URB1: variants seen among roughly 807,000 people sequenced by gnomAD.
URB1 encodes nucleolar pre-ribosomal-associated protein 1.
Under a neutral mutation model 242.3 loss-of-function variants are expected in URB1, and 197 were observed. The ratio of observed to expected loss-of-function variants is 0.81; its 90% CI spans 0.72 to 0.91. URB1 has a LOEUF of 0.91. URB1 is among the 40% of genes least tolerant of loss of function. The probability of loss-of-function intolerance (pLI) is 0.00; values close to 1 mark genes in which losing one functional copy is unlikely to be tolerated. For missense variants in URB1, 2,721 were observed against 2,860.5 expected (o/e 0.95, Z 1.11); for synonymous variants, 1,153 against 1,201.8 (o/e 0.96, Z 0.84).
intron 30 of URB1, among the ~76,000 whole-genome samples, chr21:32,332,402 C>T (rs932648577): frequency 4.7e-5 from 7 of 148,546 alleles, no homozygotes; most frequent in Non-Finnish European, 7.4e-5. Flanking sequence ...TATTTGCAAA[C>T]CACAAATCCT....
At chr21:32,372,189 A>G (rs772143841) in intron 8 of URB1, among the ~76,000 whole-genome samples, 51 of 152,182 alleles carry the variant, frequency 3.4e-4, no homozygotes, top group Admixed American at 4.6e-4. Context: ...GTCAGGGCCA[A>G]CCCTCTCTGG....
In URB1 at chr21:32,333,327, C is replaced by T; in HGVS notation, c.4950G>A (p.Leu1650=). The change falls in exon 30 of 39, where the codon CTG becomes CTA. Residue 1650 remains leucine, a synonymous_variant. Coordinates refer to ENST00000382751, the MANE Select transcript of URB1 (RefSeq NM_014825.3). ...GAAGACTGCAGTTACCTGGCCTGGT[C>T]AGCTCACTGAAGAGCTGAAGGAGAA... ...PCFLLQLFSE[L]TRPEFVVDCR... is the part of the protein sequence containing the mutation. 1 of 1,551,888 alleles carries T rather than the reference C, an allele frequency of 6.4e-7. No individual in the cohort carries two copies. Among genetic ancestry groups the T allele is most frequent in the Middle Eastern group, 1.7e-4 (1 of 5,998 alleles).
chr21:32,324,485 T>C lies in URB1; in HGVS notation c.5233+6A>G, dbSNP rs1001268897. On this transcript the variant is annotated splice_donor_region_variant and intron_variant, in intron 32 of 38. Coordinates refer to ENST00000382751, the MANE Select transcript of URB1 (RefSeq NM_014825.3). The stretch of plus-strand genomic sequence containing the variant: ...TTTCCCCTCAACCTAATTATGTCAG[T>C]GGTACCTGGTTTCAAAATCTGCAGG... 3.0e-5 allele frequency: 47 copies of C among 1,549,390 alleles called. No individual in the cohort carries two copies. The East Asian group carries it at 9.8e-4, about 32-fold the overall frequency.
rs974954658 is a variant in URB1 at position 32,378,474 on chromosome 21, C to T, written c.635G>A (p.Ser212Asn). The change falls in exon 5 of 39, where the codon AGC (serine) becomes AAC (asparagine). Residue 212 changes from serine (S) to asparagine (N), a missense_variant. Transcript: ENST00000382751. ...ALSFLIAGDD[S>N]TIVQVLEVKE... ...CACTTCCAACACCTGCACTATAGTG[C>T]TGTCATCACCCGCAATTAAAAAGGA... is the stretch of plus-strand genomic sequence containing the variant. The T allele has an allele frequency of 1.0e-5, 16 of 1,551,578 alleles. No individual in the cohort carries two copies. Among genetic ancestry groups the T allele is most frequent in the African/African-American group, 9.6e-5 (7 of 73,024 alleles).
rs2033309282 is a variant in URB1 at position 32,363,259 on chromosome 21, G to T, written c.1406C>A (p.Thr469Asn). ...ISVILKRALKTVDHCLNKEVW... is the reference protein window; with the variant it reads ...ISVILKRALKNVDHCLNKEVW... ...CTCTTTATTCAGGCAGTGGTCAACAGTTTTTAATGCCCTCTTCAAAATGAC... is the reference window on the plus strand; with the variant it reads ...CTCTTTATTCAGGCAGTGGTCAACATTTTTTAATGCCCTCTTCAAAATGAC... Residue 469 changes from threonine (T) to asparagine (N), a missense_variant, in exon 11 of 39, where the codon ACT becomes AAT. Thr to Asn is a moderately conservative substitution (Grantham distance 65, BLOSUM62 0). Coordinates refer to ENST00000382751, the MANE Select transcript of URB1 (RefSeq NM_014825.3). 1 of 1,551,938 alleles carries T rather than the reference G, an allele frequency of 6.4e-7. No individual in the cohort carries two copies. Among genetic ancestry groups the T allele is most frequent in the Non-Finnish European group, 8.7e-7 (1 of 1,147,060 alleles).
At chr21:32,353,745 C>G (rs754703804) in intron 18 of URB1, among the ~76,000 whole-genome samples, 188 bp downstream of exon 18, 8 of 152,188 alleles carry the variant, frequency 5.3e-5, no homozygotes, top group Non-Finnish European at 1.0e-4. Context: ...AAAAGCCTAG[C>G]CAGCCCCAAG....
At chr21:32,322,062 T>C in intron 33 of URB1, 118 bp from the exon 34 acceptor site, 1 of 1,166,642 alleles carries the variant, frequency 8.6e-7, no homozygotes, top group Non-Finnish European at 1.2e-6. Context: ...AGCCCTGACC[T>C]CCATGTCTGA....
At chr21:32,360,827 T>C (rs1375459125) in intron 13 of URB1, among the ~76,000 whole-genome samples, 180 bp downstream of exon 13, 2 of 152,242 alleles carry the variant, frequency 1.3e-5, no homozygotes, top group Admixed American at 1.3e-4. Context: ...GGTGTTCATC[T>C]GATATTTACT....
At chr21:32,348,884 C>T (rs17616689) in intron 21 of URB1, among the ~76,000 whole-genome samples, 5,309 of 152,356 alleles carry the variant, frequency 0.035, 115 homozygotes, top group South Asian at 0.076. Context: ...GTGAAATAGT[C>T]ATCTTGGCCC....
At position 32,320,554 on chromosome 21, in the gene URB1, C is replaced by G. The variant is rs1568807726; in HGVS notation, c.5571G>C (p.Trp1857Cys). Reference sequence around the variant, plus strand: ...ACTTGCTTTCAAGGATGTGTAAAATCCATGTTAAAAGGCTATAGTCTCGTA... The same window carrying G: ...ACTTGCTTTCAAGGATGTGTAAAATGCATGTTAAAAGGCTATAGTCTCGTA... Reference protein sequence around the residue: ...EIIRDYSLLTWILHILESKFL... With the variant: ...EIIRDYSLLTCILHILESKFL... Residue 1857 changes from tryptophan to cysteine, a missense_variant, in exon 35 of 39, where the codon TGG (tryptophan) becomes TGC (cysteine). By Grantham distance (215) the Trp-to-Cys change is radical. Transcript: ENST00000382751. 1.3e-6 allele frequency: 2 copies of G among 1,552,002 alleles called. No individual in the cohort carries two copies. The highest frequency in any genetic ancestry group is 1.7e-4 in the Middle Eastern group (1 of 5,998).
chr21:32,315,116 G>A lies in URB1; in HGVS notation c.6635-17C>T, dbSNP rs1214257703. On this transcript the variant is annotated splice_polypyrimidine_tract_variant and intron_variant, in intron 38 of 38. Coordinates refer to ENST00000382751, the MANE Select transcript of URB1 (RefSeq NM_014825.3). ...CTGCGGAGGCTGAACAAGAGCAGGG[G>A]ATAGGCCATTAGGATGCACACCTGC... 6 of 1,500,680 alleles carry A rather than the reference G, an allele frequency of 4.0e-6. No homozygotes were observed. The African/African-American group carries it at 4.2e-5, about 10-fold the overall frequency. 93.0% of individuals were successfully genotyped at this position (1,500,680 alleles called of 1,614,324 possible).
chr21:32,316,863 A>G lies in URB1; in HGVS notation c.6237T>C (p.Pro2079=). 6.4e-7 allele frequency: 1 copy of G among 1,550,764 alleles called. No homozygotes were observed. Among genetic ancestry groups the G allele is most frequent in the South Asian group, 1.2e-5 (1 of 83,984 alleles). ...VIPGPDPTQE[P]VDSASPESDA... is the part of the protein sequence containing the mutation. ...CGCTCTCGGGGCTGGCTGAGTCCAC[A>G]GGCTCCTGAGTGGGGTCAGGACCAG... Residue 2079 remains proline, a synonymous_variant, in exon 38 of 39, where the codon CCT becomes CCC. Transcript: ENST00000382751.
At chr21:32,353,097 T>C (rs922093438) in intron 18 of URB1, among the ~76,000 whole-genome samples, 191 bp from the exon 19 acceptor site, 1 of 152,168 alleles carries the variant, frequency 6.6e-6, no homozygotes, top group African/African-American at 2.4e-5. Context: ...ATTAAACATA[T>C]ACAGCAAAGT....
At chr21:32,372,156 G>T (rs1016032855) in intron 8 of URB1, among the ~76,000 whole-genome samples, 1 of 152,200 alleles carries the variant, frequency 6.6e-6, no homozygotes, top group Non-Finnish European at 1.5e-5. Context: ...TGGTACCTGC[G>T]TCAGGACTGC....
chr21:32,317,224 T>C (rs780677599), intron 37 of URB1, among the ~76,000 whole-genome samples, 159 bp from the exon 38 acceptor site: 16 of 152,186 alleles, frequency 1.1e-4, no homozygotes, highest in Admixed American at 2.6e-4. Flanking sequence ...TGCTCGATGT[T>C]TCACTACGCC....
rs148663845 is a variant in URB1, at chr21:32,336,656, T to A, written c.4685+438A>T. 9.7e-4 allele frequency among the ~76,000 whole-genome samples: 148 copies of A among 152,040 alleles called. 2 individuals are homozygous for A. The Middle Eastern group carries it at 0.021, about 21-fold the overall frequency. On this transcript the variant is annotated intron_variant, in intron 28 of 38. Transcript: ENST00000382751. ...ACCCACACCCACCTACATACACGCATGCACACACAGACACAAGCATGCATG... is the reference window on the plus strand; with the variant it reads ...ACCCACACCCACCTACATACACGCAAGCACACACAGACACAAGCATGCATG...
chr21:32,337,812 C>T (rs1372816139), intron 26 of URB1, among the ~76,000 whole-genome samples: 3 of 151,926 alleles, frequency 2.0e-5, no homozygotes, highest in East Asian at 1.9e-4. Context: ...CATGAGCCAC[C>T]GCGCCCAGCC....
chr21:32,312,574 G>A lies in URB1; in HGVS notation c.*2344C>T, dbSNP rs1230727520. 1.2e-5 allele frequency: 2 copies of A among 164,434 alleles called. No individual in the cohort carries two copies. Among genetic ancestry groups the A allele is most frequent in the African/African-American group, 4.8e-5 (2 of 41,714 alleles). The allele number at this position is 164,434 out of a possible 1,614,324, so 10.2% of individuals were successfully genotyped here. A position where few individuals can be genotyped will look rare whatever the true frequency, so the allele number is the denominator to read the frequency against. ...CCTGGAGGGCAGGCAGCCAACGCCT[G>A]TCAGCAGCCAGGCCGGGTAAGCAGG... On this transcript the variant is annotated 3_prime_UTR_variant, in exon 39 of 39. Transcript: ENST00000382751.
At chr21:32,334,363 G>C (rs2032931987) in intron 28 of URB1, 29 bp from the exon 29 acceptor site, 1 of 1,524,290 alleles carries the variant, frequency 6.6e-7, no homozygotes. Flanking sequence ...AAAGAGACTG[G>C]TCACAGAGCC....
Sources: allele counts gnomAD v4.1 joint callset (sites outside exome capture counted in the v4.1 genomes callset), GRCh38; gene constraint gnomAD v4.1.1; transcripts MANE v1.5; gene names NCBI Gene and HGNC (gene_info 2026-07-23, HGNC 2026-07-21).